KCND2: variants seen among roughly 807,000 people sequenced by gnomAD.
KCND2 encodes A-type voltage-gated potassium channel KCND2.
In KCND2, 16 loss-of-function variants were observed where a neutral mutation model predicts 54.4. The observed-to-expected ratio is 0.29, with a 90% CI of 0.20 to 0.45. The LOEUF (loss-of-function observed/expected upper bound fraction) is 0.45. Ranked by LOEUF, KCND2 falls within the 20% of genes least tolerant of loss-of-function variation. The pLI, the probability that KCND2 is intolerant of heterozygous loss-of-function variation, is 1.00. For synonymous variants in KCND2, 317 were observed against 310.7 expected, an observed-to-expected ratio of 1.02 and a Z score of -0.21; for missense variants, 486 against 824.2, an observed-to-expected ratio of 0.59 and a Z score of 5.02.
chr7:120,555,553 A>C (rs1363984899), intron 1 of KCND2, among the ~76,000 whole-genome samples: 2 of 150,946 alleles, frequency 1.3e-5, no homozygotes, highest in South Asian at 2.1e-4. Flanking sequence ...CAAATTCAGC[A>C]TAGTGAGTTC....
At chr7:120,678,735 AGT>A (rs1186436162) in intron 1 of KCND2, among the ~76,000 whole-genome samples, 2 of 85,336 alleles carry the variant, frequency 2.3e-5, no homozygotes, top group African/African-American at 7.1e-5. Context: ...TGGGTGTGTG[AGT>A]GTATATATAT....
At chr7:120,300,421 T>C (rs191181784) in intron 1 of KCND2, among the ~76,000 whole-genome samples, 184 of 152,220 alleles carry the variant, frequency 1.2e-3, no homozygotes, top group African/African-American at 4.0e-3. Context: ...CTGATTGCTG[T>C]CTTGGCAGAA....
intron 1 of KCND2, among the ~76,000 whole-genome samples, chr7:120,367,458 G>A (rs1159340383): frequency 6.6e-6 from 1 of 151,494 alleles, no homozygotes; most frequent in Non-Finnish European, 1.5e-5. Flanking sequence ...TATTATATTT[G>A]CATTATTACA....
intron 1 of KCND2, among the ~76,000 whole-genome samples, chr7:120,497,269 C>G (rs1026113795): frequency 1.3e-5 from 2 of 152,132 alleles, no homozygotes; most frequent in Non-Finnish European, 1.5e-5. Flanking sequence ...TTCAATGTCC[C>G]TTTCATTTGA....
intron 1 of KCND2, among the ~76,000 whole-genome samples, chr7:120,732,452 G>T (rs974258120): frequency 6.6e-6 from 1 of 152,092 alleles, no homozygotes; most frequent in Admixed American, 6.6e-5. Context: ...TTTAAATGAT[G>T]ACATCTGGTG....
intron 1 of KCND2, among the ~76,000 whole-genome samples, chr7:120,402,059 G>A (rs899504688): frequency 1.3e-5 from 2 of 152,132 alleles, no homozygotes; most frequent in African/African-American, 2.4e-5. Context: ...TGACAAAATG[G>A]TGAATTGCTT....
At chr7:120,387,114 A>G (rs992850932) in intron 1 of KCND2, among the ~76,000 whole-genome samples, 2 of 152,070 alleles carry the variant, frequency 1.3e-5, no homozygotes, top group Non-Finnish European at 2.9e-5. Flanking sequence ...GAAAACAAAC[A>G]CTTCTAATCT....
At chr7:120,493,683 G>A (rs1802813867) in intron 1 of KCND2, among the ~76,000 whole-genome samples, 1 of 152,034 alleles carries the variant, frequency 6.6e-6, no homozygotes, top group Non-Finnish European at 1.5e-5. Context: ...TATGACACCT[G>A]CTTGATTTGC....
At chr7:120,653,302 T>A (rs1444965585) in intron 1 of KCND2, among the ~76,000 whole-genome samples, 1 of 151,536 alleles carries the variant, frequency 6.6e-6, no homozygotes, top group Non-Finnish European at 1.5e-5. Flanking sequence ...CTTCTCGGCC[T>A]CCCAAAGTGC....
At chr7:120,478,659 T>C (rs1305253852) in intron 1 of KCND2, among the ~76,000 whole-genome samples, 1 of 152,106 alleles carries the variant, frequency 6.6e-6, no homozygotes. Context: ...AATAATATAA[T>C]TATACCTATA....
At chr7:120,551,012 A>C (rs1792098953) in intron 1 of KCND2, among the ~76,000 whole-genome samples, 1 of 152,186 alleles carries the variant, frequency 6.6e-6, no homozygotes, top group South Asian at 2.1e-4. Flanking sequence ...ATTTGCAACT[A>C]TTTATTGTAG....
intron 1 of KCND2, among the ~76,000 whole-genome samples, chr7:120,338,492 C>A (rs1366999102): frequency 1.3e-5 from 2 of 151,874 alleles, no homozygotes; most frequent in African/African-American, 4.8e-5. Flanking sequence ...TTTTTTAAAG[C>A]ATATTGAAAT....
intron 1 of KCND2, among the ~76,000 whole-genome samples, chr7:120,697,509 C>T (rs1356886900): frequency 6.6e-6 from 1 of 152,090 alleles, no homozygotes; most frequent in Non-Finnish European, 1.5e-5. Flanking sequence ...ACAGCTTTTA[C>T]AGAGTATAAT....
intron 1 of KCND2, among the ~76,000 whole-genome samples, chr7:120,635,941 A>G (rs1210729866): frequency 6.6e-6 from 1 of 152,150 alleles, no homozygotes; most frequent in Non-Finnish European, 1.5e-5. Context: ...ATGAATATTC[A>G]TTTGTTTGCC....
intron 1 of KCND2, among the ~76,000 whole-genome samples, chr7:120,404,325 T>A (rs1347749462): frequency 6.6e-6 from 1 of 152,178 alleles, no homozygotes; most frequent in Non-Finnish European, 1.5e-5. Context: ...CATTAGTACA[T>A]GTCATTTTTT....
At chr7:120,475,521 TCA>T (rs1802521749) in intron 1 of KCND2, among the ~76,000 whole-genome samples, 1 of 152,206 alleles carries the variant, frequency 6.6e-6, no homozygotes, top group African/African-American at 2.4e-5. Context: ...TATCTGATGT[TCA>T]CACCAATCCT....
chr7:120,629,150 G>A (rs980510717), intron 1 of KCND2, among the ~76,000 whole-genome samples: 1 of 152,202 alleles, frequency 6.6e-6, no homozygotes, highest in African/African-American at 2.4e-5. Context: ...GGAGAAACAA[G>A]TTGAAGGGCC....
Position 120,386,995 on chromosome 7 carries a change from T to C in KCND2, c.1115+111248T>C, listed in dbSNP as rs1800998570. ...AAAATTAACTAAATCATCATGAGCA[T>C]CATCACTTGCTTAATTTTTCTTCAG... On this transcript the variant is annotated intron_variant, in intron 1 of 5. Transcript: ENST00000331113. 3.9e-5 allele frequency among the ~76,000 whole-genome samples: 6 copies of C among 152,130 alleles called. No individual in the cohort carries two copies. In the South Asian group the frequency reaches 1.2e-3, roughly 31 times the overall value.
chr7:120,486,764 G>A (rs1228211153), intron 1 of KCND2, among the ~76,000 whole-genome samples: 2 of 151,548 alleles, frequency 1.3e-5, no homozygotes, highest in African/African-American at 4.9e-5. Flanking sequence ...AATGCAAGGG[G>A]AATTTGTAAA....
Sources: gnomAD v4.1 joint callset for allele counts (sites outside exome capture counted in the v4.1 genomes callset) on GRCh38, gnomAD v4.1.1 for gene constraint, MANE v1.5 for transcripts, NCBI Gene and HGNC (gene_info 2026-07-23, HGNC 2026-07-21) for gene names.